Variants in CTNND2 observed in about 807,000 individuals in gnomAD.
CTNND2 encodes the protein catenin delta 2.
A neutral mutation model predicts 144.4 loss-of-function variants in CTNND2; 22 were observed. The observed-to-expected ratio is 0.15, with a 90% CI of 0.11 to 0.22. CTNND2 has a LOEUF of 0.22. CTNND2 is among the 10% of genes least tolerant of loss of function. CTNND2 has a pLI of 1.00. For synonymous variants in CTNND2, 751 were observed against 695.6 expected, an observed-to-expected ratio of 1.08 and a Z score of -1.25; for missense variants, 1,353 against 1,618.8, an observed-to-expected ratio of 0.84 and a Z score of 2.82.
At chr5:11,008,671 C>G (rs1049943033) in intron 18 of CTNND2, among the ~76,000 whole-genome samples, 1 of 152,138 alleles carries the variant, frequency 6.6e-6, no homozygotes, top group Non-Finnish European at 1.5e-5. Flanking sequence ...ACCTTCCACT[C>G]GGAGTTGCAA....
At chr5:11,720,961 G>C (rs1032894719) in intron 2 of CTNND2, among the ~76,000 whole-genome samples, 1 of 152,016 alleles carries the variant, frequency 6.6e-6, no homozygotes, top group African/African-American at 2.4e-5. Flanking sequence ...TCCACTCTTA[G>C]GTTTTTATTA....
chr5:11,130,778 G>A (rs532937298), intron 12 of CTNND2, among the ~76,000 whole-genome samples: 53 of 152,174 alleles, frequency 3.5e-4, no homozygotes, highest in Admixed American at 9.2e-4. Context: ...TTGGAGTAAC[G>A]CCATATGGTC....
At chr5:11,879,356 T>TATATATATATACACAC in intron 1 of CTNND2, among the ~76,000 whole-genome samples, 1 of 141,422 alleles carries the variant, frequency 7.1e-6, no homozygotes, top group East Asian at 2.1e-4. Flanking sequence ...TATATATATA[T>TATATATATATACACAC]ACATATACAC....
At chr5:11,835,229 A>G (rs543003700) in intron 1 of CTNND2, among the ~76,000 whole-genome samples, 96 of 152,358 alleles carry the variant, frequency 6.3e-4, no homozygotes, top group African/African-American at 2.3e-3. Flanking sequence ...GGATTTCTGC[A>G]TCTATACTAA....
intron 2 of CTNND2, among the ~76,000 whole-genome samples, chr5:11,597,550 T>C (rs1183353149): frequency 6.6e-6 from 1 of 152,204 alleles, no homozygotes; most frequent in Non-Finnish European, 1.5e-5. Context: ...CTTTTCTTAA[T>C]TCATCAATGA....
intron 1 of CTNND2, among the ~76,000 whole-genome samples, chr5:11,794,065 T>G (rs1253168994): frequency 6.6e-6 from 1 of 152,236 alleles, no homozygotes; most frequent in Admixed American, 6.5e-5. Context: ...GCTCGCCCAC[T>G]GCATGTCAGT....
intron 1 of CTNND2, among the ~76,000 whole-genome samples, chr5:11,739,613 A>G (rs1787882575): frequency 6.6e-6 from 1 of 152,222 alleles, no homozygotes; most frequent in Non-Finnish European, 1.5e-5. Flanking sequence ...AAAAACTGGA[A>G]GCATTCCCTT....
At chr5:11,790,661 T>C (rs1196552167) in intron 1 of CTNND2, among the ~76,000 whole-genome samples, 1 of 152,212 alleles carries the variant, frequency 6.6e-6, no homozygotes, top group Non-Finnish European at 1.5e-5. Flanking sequence ...TGTTGAGTGA[T>C]GCATAGAGTT....
intron 18 of CTNND2, among the ~76,000 whole-genome samples, chr5:11,011,431 G>A (rs1000972919): frequency 6.6e-6 from 1 of 152,036 alleles, no homozygotes; most frequent in Non-Finnish European, 1.5e-5. Context: ...TGGCCAGGCT[G>A]GTGTTGAACT....
intron 3 of CTNND2, among the ~76,000 whole-genome samples, chr5:11,471,182 T>TTGGTCAGGAGA (rs1767197345): frequency 6.6e-6 from 1 of 151,590 alleles, no homozygotes; most frequent in South Asian, 2.1e-4. Flanking sequence ...TTTCACAGTG[T>TTGGTCAGGAGA]TAGCCAGGAT....
rs78662216 is a variant in CTNND2 at position 11,424,937 on chromosome 5, G to A, written c.288-12868C>T. 5.8e-3 allele frequency among the ~76,000 whole-genome samples: 876 copies of A among 152,254 alleles called. 10 individuals are homozygous for A. Among genetic ancestry groups the A allele is most frequent in the African/African-American group, 0.02 (831 of 41,546 alleles). On this transcript the variant is annotated intron_variant, in intron 3 of 21. Transcript: ENST00000304623. ...GCCAGAGCTCAGGTGACCCTGCCCTGGGCTCATCTCTGCTTTGTTCTGTGA... is the reference window on the plus strand; with the variant it reads ...GCCAGAGCTCAGGTGACCCTGCCCTAGGCTCATCTCTGCTTTGTTCTGTGA...
chr5:11,395,918 C>T (rs1201049363), intron 6 of CTNND2, among the ~76,000 whole-genome samples: 1 of 152,166 alleles, frequency 6.6e-6, no homozygotes. Flanking sequence ...TTTTTTGGGG[C>T]CATGTGGCCT....
At chr5:11,069,433 C>T (rs947670352) in intron 16 of CTNND2, among the ~76,000 whole-genome samples, 10 of 152,244 alleles carry the variant, frequency 6.6e-5, no homozygotes, top group Non-Finnish European at 1.3e-4. Context: ...AAATGGCTGC[C>T]ATGAGCCATC....
At chr5:11,844,124 C>T (rs956023) in intron 1 of CTNND2, among the ~76,000 whole-genome samples, 8,687 of 152,228 alleles carry the variant, frequency 0.057, 777 homozygotes, top group African/African-American at 0.19. Flanking sequence ...TAACTTCCCA[C>T]ATTCCACATT....
intron 15 of CTNND2, among the ~76,000 whole-genome samples, chr5:11,089,710 G>T (rs16901246): frequency 0.13 from 20,041 of 152,160 alleles, 1,504 homozygotes; most frequent in African/African-American, 0.21. Context: ...CGACTGCTAG[G>T]GTTTAAAATG....
At chr5:11,107,141 G>A (rs1053667825) in intron 14 of CTNND2, among the ~76,000 whole-genome samples, 12 of 152,194 alleles carry the variant, frequency 7.9e-5, no homozygotes, top group Non-Finnish European at 1.5e-4. Flanking sequence ...ATGCCCAGAT[G>A]TAAGTTGTAA....
chr5:11,756,034 A>G (rs924848161), intron 1 of CTNND2, among the ~76,000 whole-genome samples: 4 of 151,664 alleles, frequency 2.6e-5, no homozygotes, highest in Non-Finnish European at 5.9e-5. Context: ...GAGTTATCCG[A>G]GTTCTTGTTG....
chr5:11,369,287 T>C (rs926526004), intron 7 of CTNND2, among the ~76,000 whole-genome samples: 15 of 152,072 alleles, frequency 9.9e-5, no homozygotes, highest in African/African-American at 1.4e-4. Context: ...ATAAATTAAA[T>C]CTCCAAATTG....
At chr5:11,220,405 G>A (rs1451582915) in intron 10 of CTNND2, among the ~76,000 whole-genome samples, 1 of 152,150 alleles carries the variant, frequency 6.6e-6, no homozygotes, top group Non-Finnish European at 1.5e-5. Context: ...TGGGATTTAA[G>A]GGAAATGCAG....
Sources: gnomAD v4.1 joint callset for allele counts (sites outside exome capture counted in the v4.1 genomes callset) on GRCh38, gnomAD v4.1.1 for gene constraint, MANE v1.5 for transcripts, NCBI Gene and HGNC (gene_info 2026-07-23, HGNC 2026-07-21) for gene names.